BIRC6: variants seen among roughly 807,000 people sequenced by gnomAD.
BIRC6 encodes the protein dual E2 ubiquitin-conjugating enzyme/E3 ubiquitin-protein ligase BIRC6.
In BIRC6, 98 loss-of-function variants were observed where a neutral mutation model predicts 503.3. The observed-to-expected ratio is 0.19, with a 90% CI of 0.17 to 0.23. BIRC6 has a LOEUF of 0.23. Among genes scored for constraint, BIRC6 ranks in the 10% least tolerant of loss-of-function variants. BIRC6 has a pLI of 1.00. For synonymous variants in BIRC6, 2,240 were observed against 2,078.7 expected (o/e 1.08, Z -2.11); for missense variants, 5,360 against 5,806.0 (o/e 0.92, Z 2.50).
chr2:32,515,695 A>G lies in BIRC6; in HGVS notation c.11274A>G (p.Ala3758=). The stretch of plus-strand genomic sequence containing the variant: ...GACTGACTACTCAACAGCGCACAGC[A>G]ATTGAGAATGCAACTGTTGCGTTCT... The part of the protein sequence containing the change: ...TTGLTTQQRT[A]IENATVAFFL... The change falls in exon 55 of 74, where the codon GCA becomes GCG. Residue 3758 remains alanine, a synonymous_variant. Transcript: ENST00000421745. The G allele has an allele frequency of 1.2e-6, 2 of 1,604,798 alleles. No homozygotes were observed. The highest frequency in any genetic ancestry group is 1.7e-6 in the Non-Finnish European group (2 of 1,179,844).
At position 32,607,441 on chromosome 2, in the gene BIRC6, C is replaced by T; in HGVS notation, c.14071-14C>T. 6.7e-7 allele frequency: 1 copy of T among 1,483,100 alleles called. No homozygotes were observed. The highest frequency in any genetic ancestry group is 1.4e-5 in the South Asian group (1 of 70,494). The allele number at this position is 1,483,100 out of a possible 1,614,324, so 91.9% of individuals were successfully genotyped here. On this transcript the variant is annotated splice_polypyrimidine_tract_variant and intron_variant, in intron 71 of 73. Transcript: ENST00000421745. ...AATGTCCCATCATAGCTGTTCTTTT[C>T]CTTTATTCTTTAGGTGTTGGTGTCT...
intron 37 of BIRC6, among the ~76,000 whole-genome samples, chr2:32,480,833 G>A (rs997907450): frequency 6.6e-6 from 1 of 151,552 alleles, no homozygotes; most frequent in African/African-American, 2.4e-5. Context: ...GTAGAGACAG[G>A]GTTCTGCCAT....
intron 24 of BIRC6, among the ~76,000 whole-genome samples, chr2:32,463,866 A>C (rs2048256217): frequency 6.6e-6 from 1 of 152,212 alleles, no homozygotes; most frequent in Admixed American, 6.5e-5. Flanking sequence ...GCAAGATGTG[A>C]GCGGTGGGCA....
At chr2:32,544,986 A>G (rs2057955996) in intron 62 of BIRC6, among the ~76,000 whole-genome samples, 2 of 152,250 alleles carry the variant, frequency 1.3e-5, no homozygotes, top group Non-Finnish European at 2.9e-5. Context: ...ATGTGTAATA[A>G]GAACCATGGT....
At chr2:32,563,342 A>G (rs1573031365) in intron 65 of BIRC6, 2 of 152,292 alleles carry the variant, frequency 1.3e-5, no homozygotes, top group African/African-American at 2.4e-5. Flanking sequence ...AAAACTGTGG[A>G]TTCCATTCCA....
chr2:32,377,620 A>C lies in BIRC6; in HGVS notation c.358A>C (p.Ile120Leu), dbSNP rs1382472712. Residue 120 changes from isoleucine (I) to leucine (L), a missense_variant, in exon 2 of 74, where the codon ATC (isoleucine) becomes CTC (leucine). This residue lies in a region of BIRC6 where 47 missense variants were observed against 93.3 expected (regional missense o/e 0.50). Coordinates refer to ENST00000421745, the MANE Select transcript of BIRC6 (RefSeq NM_016252.4). ...AGGTGGACAGGTGAAATGTCAGTATATCTCTGCTGTGGATAAAGTTATATT... is the reference window on the plus strand; with the variant it reads ...AGGTGGACAGGTGAAATGTCAGTATCTCTCTGCTGTGGATAAAGTTATATT... ...KPGGQVKCQYISAVDKVIFVD... is the reference protein window; with the variant it reads ...KPGGQVKCQYLSAVDKVIFVD... 6.2e-7 allele frequency: 1 copy of C among 1,612,212 alleles called. No homozygotes were observed. The highest frequency in any genetic ancestry group is 8.5e-7 in the Non-Finnish European group (1 of 1,179,330).
chr2:32,417,807 G>C (rs1323655072), intron 10 of BIRC6, among the ~76,000 whole-genome samples: 1 of 152,148 alleles, frequency 6.6e-6, no homozygotes, highest in Non-Finnish European at 1.5e-5. Flanking sequence ...TTGAGACAGA[G>C]TCTCACCCTG....
chr2:32,528,962 AAAAAAG>A (rs775842400), intron 59 of BIRC6: 8 of 152,186 alleles, frequency 5.3e-5, no homozygotes, highest in South Asian at 2.1e-4. Flanking sequence ...AAAAAAGAAA[AAAAAAG>A]AAATCTGAAA....
intron 66 of BIRC6, among the ~76,000 whole-genome samples, chr2:32,576,393 G>A (rs1378503727): frequency 6.6e-6 from 1 of 152,142 alleles, no homozygotes; most frequent in Non-Finnish European, 1.5e-5. Context: ...TCCCTTGGCA[G>A]GATCTGTTCA....
At position 32,357,606 on chromosome 2, in the gene BIRC6, C is replaced by T. The variant is rs1464464506; in HGVS notation, c.325+120C>T. 8.3e-6 allele frequency: 12 copies of T among 1,452,374 alleles called. No individual in the cohort carries two copies. The highest frequency in any genetic ancestry group is 1.5e-5 in the African/African-American group (1 of 66,934). 90.0% of individuals were successfully genotyped at this position (1,452,374 alleles called of 1,614,324 possible). ...AGAGGGCAGGGCTGGGGGTTCGGGC[C>T]CAGCCGTGAAGGGAGGCCCGGAAGC... is the stretch of plus-strand genomic sequence containing the variant. On this transcript the variant is annotated intron_variant, in intron 1 of 73. Coordinates refer to ENST00000421745, the MANE Select transcript of BIRC6 (RefSeq NM_016252.4). This position sits in a 1 kb window ranked among gnomAD's most constrained non-coding sequence, Gnocchi z 4.9.
chr2:32,524,665 G>A, intron 57 of BIRC6: 1 of 211,030 alleles, frequency 4.7e-6, no homozygotes, highest in Non-Finnish European at 9.4e-6. Flanking sequence ...ACAGAGATTA[G>A]AACTTAAATA....
intron 65 of BIRC6, among the ~76,000 whole-genome samples, chr2:32,558,194 C>G (rs945464703): frequency 6.6e-6 from 1 of 151,806 alleles, no homozygotes; most frequent in African/African-American, 2.4e-5. Flanking sequence ...GCTGAAGAGC[C>G]GAAAATATAA....
intron 65 of BIRC6, among the ~76,000 whole-genome samples, chr2:32,560,719 A>ACC (rs2059112476): frequency 6.6e-6 from 1 of 152,104 alleles, no homozygotes; most frequent in African/African-American, 2.4e-5. Flanking sequence ...GGCACCTGCC[A>ACC]CCATGCCCAG....
Position 32,499,887 on chromosome 2 carries a change from A to T in BIRC6, c.8809A>T (p.Asn2937Tyr). 1 of 1,614,066 alleles carries T rather than the reference A, an allele frequency of 6.2e-7. No homozygotes were observed. The highest frequency in any genetic ancestry group is 8.5e-7 in the Non-Finnish European group (1 of 1,179,900). Reference sequence around the variant, plus strand: ...TTTAGTGCAGCTGCCTCTTTCAGGCAATAGGGAATACAGTGCAAGAGTGTC... The same window carrying T: ...TTTAGTGCAGCTGCCTCTTTCAGGCTATAGGGAATACAGTGCAAGAGTGTC... ...NILVQLPLSGNREYSARVSVT... is the reference protein window; with the variant it reads ...NILVQLPLSGYREYSARVSVT... Residue 2937 changes from asparagine (N) to tyrosine (Y), a missense_variant, in exon 46 of 74, where the codon AAT becomes TAT. By Grantham distance (143) the Asn-to-Tyr change is moderately radical. Coordinates refer to ENST00000421745, the MANE Select transcript of BIRC6 (RefSeq NM_016252.4).
At chr2:32,593,837 G>A in intron 66 of BIRC6, 78 bp from the exon 67 acceptor site, 1 of 1,255,362 alleles carries the variant, frequency 8.0e-7, no homozygotes, top group Non-Finnish European at 1.1e-6. Context: ...ACACTCATTT[G>A]TATATTGATT....
intron 66 of BIRC6, among the ~76,000 whole-genome samples, chr2:32,580,068 T>C (rs552969244): frequency 6.6e-6 from 1 of 151,882 alleles, no homozygotes; most frequent in African/African-American, 2.4e-5. Context: ...ATTCTCTTGC[T>C]TCAGCCTCCC....
chr2:32,477,495 G>A lies in BIRC6; in HGVS notation c.6980G>A (p.Arg2327His), dbSNP rs768628423. ...CTTCCATTTACTCTGGCCCATGAGC[G>A]TTGTATCTCAGTAGTCCAGAAACTT... is the stretch of plus-strand genomic sequence containing the variant. The part of the protein sequence containing the change: ...EPLPFTLAHE[R>H]CISVVQKLVL... Residue 2327 changes from arginine to histidine, a missense_variant, in exon 35 of 74, where the codon CGT becomes CAT. Physicochemically the swap from Arg to His is conservative, Grantham distance 29. Transcript: ENST00000421745. The A allele has an allele frequency of 4.7e-5, 76 of 1,613,810 alleles. No individual in the cohort carries two copies. Among genetic ancestry groups the A allele is most frequent in the Non-Finnish European group, 5.1e-5 (60 of 1,179,866 alleles).
intron 10 of BIRC6, among the ~76,000 whole-genome samples, chr2:32,419,033 C>G (rs2042668367): frequency 1.3e-5 from 2 of 152,164 alleles, no homozygotes; most frequent in Non-Finnish European, 2.9e-5. Flanking sequence ...AGAACATGAT[C>G]TCATGTGATA....
chr2:32,435,063 G>A (rs1441353651), intron 13 of BIRC6, among the ~76,000 whole-genome samples: 1 of 152,118 alleles, frequency 6.6e-6, no homozygotes, highest in Non-Finnish European at 1.5e-5. Flanking sequence ...AGGGATGGAT[G>A]ACTATATGTG....
Sources: gnomAD v4.1 joint callset for allele counts (sites outside exome capture counted in the v4.1 genomes callset) on GRCh38, gnomAD v4.1.1 for gene constraint, gnomAD v4.1.1 regional missense constraint, Gnocchi (gnomAD v3.1) non-coding constraint, MANE v1.5 for transcripts, NCBI Gene and HGNC (gene_info 2026-07-23, HGNC 2026-07-21) for gene names.